Variants in CCDC144A observed in about 807,000 individuals in gnomAD.
CCDC144A encodes the protein coiled-coil domain-containing protein 144A.
A neutral mutation model predicts 143.8 loss-of-function variants in CCDC144A; 41 were observed. The observed-to-expected ratio is 0.29, with a 90% CI of 0.22 to 0.37. The LOEUF (loss-of-function observed/expected upper bound fraction) is 0.37. CCDC144A is among the 10% of genes least tolerant of loss of function. CCDC144A has a pLI of 1.00. For missense variants in CCDC144A, 637 were observed against 1,488.8 expected, an observed-to-expected ratio of 0.43 and a Z score of 9.41; for synonymous variants, 242 against 517.9, an observed-to-expected ratio of 0.47 and a Z score of 7.23.
chr17:16,676,524 A>AG, the CCDC144A span, among the ~76,000 whole-genome samples: 1 of 151,836 alleles, frequency 6.6e-6, no homozygotes, highest in Non-Finnish European at 1.5e-5. Flanking sequence ...AAAAAAAAAA[A>AG]AACACAAAAA....
At chr17:16,705,671 A>G (rs1912008685) in intron 3 of CCDC144A, 1 of 395,870 alleles carries the variant, frequency 2.5e-6, no homozygotes, top group South Asian at 2.3e-5. Context: ...AGGGACTAAC[A>G]TAGGATTATA....
the CCDC144A span, among the ~76,000 whole-genome samples, chr17:16,674,995 G>A: frequency 6.6e-5 from 10 of 150,698 alleles, no homozygotes; most frequent in East Asian, 1.4e-3. Flanking sequence ...TAGGCCGGGC[G>A]TGGTGGCTCA....
chr17:16,769,315 A>G (rs1915733429), intron 15 of CCDC144A, among the ~76,000 whole-genome samples: 1 of 152,254 alleles, frequency 6.6e-6, no homozygotes, highest in African/African-American at 2.4e-5. Flanking sequence ...GAGAGAGTCT[A>G]AGTCCTCATT....
intron 6 of CCDC144A, among the ~76,000 whole-genome samples, chr17:16,718,045 C>CT (rs1912874276): frequency 6.6e-6 from 1 of 151,882 alleles, no homozygotes. Context: ...CTTTATTTCT[C>CT]TGAGAAGGAA....
chr17:16,711,145 AAAAAAAAAAAAAAC>A (rs1156717038), intron 5 of CCDC144A, among the ~76,000 whole-genome samples: 2 of 133,456 alleles, frequency 1.5e-5, no homozygotes, highest in African/African-American at 2.7e-5. Flanking sequence ...TGAAAAAAAA[AAAAAAAAAAAAAAC>A]AAAAGTTAGT....
intron 6 of CCDC144A, among the ~76,000 whole-genome samples, chr17:16,715,062 C>T (rs1224012579): frequency 6.6e-6 from 1 of 151,890 alleles, no homozygotes; most frequent in Non-Finnish European, 1.5e-5. Flanking sequence ...TCCTAGAATT[C>T]CCACTATCCC....
chr17:16,711,477 G>A (rs1182313535), intron 5 of CCDC144A, among the ~76,000 whole-genome samples: 1 of 151,946 alleles, frequency 6.6e-6, no homozygotes, highest in Non-Finnish European at 1.5e-5. Flanking sequence ...TTACAAAAAT[G>A]TTGATGATAA....
intron 7 of CCDC144A, 56 bp from the exon 8 acceptor site, chr17:16,720,461 A>C (rs1913027422): frequency 1.9e-6 from 3 of 1,571,898 alleles, no homozygotes; most frequent in Non-Finnish European, 2.6e-6. Flanking sequence ...CTGTACCTTT[A>C]GTATATGCTA....
chr17:16,712,792 C>G (rs1471389383), intron 6 of CCDC144A, among the ~76,000 whole-genome samples: 2 of 151,992 alleles, frequency 1.3e-5, no homozygotes, highest in African/African-American at 4.8e-5. Flanking sequence ...GTTGTTAGAC[C>G]AGGAGTGTAC....
chr17:16,701,187 T>G (rs1394880656), intron 2 of CCDC144A, among the ~76,000 whole-genome samples: 1 of 151,678 alleles, frequency 6.6e-6, no homozygotes, highest in African/African-American at 2.4e-5. Context: ...TTAAAATTAA[T>G]AATATTATTT....
rs547557678 is a variant in CCDC144A at position 16,709,125 on chromosome 17, G to A, written c.1068G>A (p.Val356=). 1.0e-4 allele frequency: 162 copies of A among 1,611,464 alleles called. No individual in the cohort carries two copies. Among genetic ancestry groups the A allele is most frequent in the Non-Finnish European group, 1.3e-4 (158 of 1,179,546 alleles). Residue 356 remains valine, a synonymous_variant, in exon 5 of 17, where the codon GTG becomes GTA. Transcript: ENST00000399273. ...ATGCATCTGAAATATCTGTCTCAGTGGTATTCGAGACATTTCCTGAACAAA... is the reference window on the plus strand; with the variant it reads ...ATGCATCTGAAATATCTGTCTCAGTAGTATTCGAGACATTTCCTGAACAAA... ...EEDASEISVS[V]VFETFPEQKE...
the CCDC144A span, among the ~76,000 whole-genome samples, chr17:16,670,762 G>C: frequency 6.6e-6 from 1 of 151,884 alleles, no homozygotes; most frequent in Non-Finnish European, 1.5e-5. Context: ...GCCTACCTTG[G>C]CCTCCAAAAG....
chr17:16,757,304 G>A (rs1915137452), intron 12 of CCDC144A, among the ~76,000 whole-genome samples: 1 of 152,260 alleles, frequency 6.6e-6, no homozygotes, highest in Admixed American at 6.5e-5. Flanking sequence ...ACATTTAGGT[G>A]GGTACCTAAG....
chr17:16,720,743 T>C lies in CCDC144A; in HGVS notation c.1891+85T>C, dbSNP rs561533887. On this transcript the variant is annotated intron_variant, in intron 8 of 16. Transcript: ENST00000399273. ...ATTGCTGAGAACTGACGTGTGATAG[T>C]GAAGCTCATCTCAGAAATACGCTCA... 7.0e-4 allele frequency: 1,107 copies of C among 1,575,748 alleles called. 4 individuals carry two copies. In the African/African-American group the frequency reaches 0.013, roughly 19 times the overall value.
intron 15 of CCDC144A, among the ~76,000 whole-genome samples, chr17:16,769,870 C>G (rs1915756801): frequency 1.3e-5 from 2 of 152,000 alleles, no homozygotes; most frequent in South Asian, 4.2e-4. Flanking sequence ...CTCTGTCTCC[C>G]AGGCTGGAGA....
At position 16,690,361 on chromosome 17, in the gene CCDC144A, C is replaced by G. The variant is rs201938569; in HGVS notation, c.-40C>G. The G allele has an allele frequency of 1.5e-3, 2,177 of 1,446,466 alleles. 4 individuals are homozygous for G. The highest frequency in any genetic ancestry group is 1.8e-3 in the Non-Finnish European group (1,936 of 1,084,868). 89.6% of individuals were successfully genotyped at this position (1,446,466 alleles called of 1,614,324 possible). A position where few individuals can be genotyped will look rare whatever the true frequency, so the allele number is the denominator to read the frequency against. ...TCGCAGATTGGAAACCGCGGGCTAT[C>G]CTGCTGGGAGGTTGTGGCCGAGGCA... is the stretch of plus-strand genomic sequence containing the variant. On this transcript the variant is annotated 5_prime_UTR_variant, in exon 1 of 17. It adds an upstream start codon to the 5' untranslated region. Coordinates refer to ENST00000399273, the MANE Select transcript of CCDC144A (RefSeq NM_001382000.1).
intron 16 of CCDC144A, among the ~76,000 whole-genome samples, chr17:16,773,204 T>G (rs1388099321): frequency 6.6e-5 from 10 of 151,976 alleles, no homozygotes; most frequent in Non-Finnish European, 1.5e-4. Context: ...GTCCCAGCAC[T>G]TTGGGAGCCT....
chr17:16,688,482 C>CTTT (rs1567579106), upstream of CCDC144A, among the ~76,000 whole-genome samples: 2 of 108,590 alleles, frequency 1.8e-5, no homozygotes, highest in Admixed American at 1.1e-4. Flanking sequence ...TTTTCTTTTT[C>CTTT]TGTTTTTTTT....
At chr17:16,769,801 A>C (rs1323034511) in intron 15 of CCDC144A, among the ~76,000 whole-genome samples, 3 of 143,230 alleles carry the variant, frequency 2.1e-5, no homozygotes, top group Non-Finnish European at 3.1e-5. Context: ...GCATCATGAC[A>C]GTTTATAGAT....
Sources: allele counts gnomAD v4.1 joint callset (sites outside exome capture counted in the v4.1 genomes callset), GRCh38; gene constraint gnomAD v4.1.1; transcripts MANE v1.5; gene names NCBI Gene and HGNC (gene_info 2026-07-23, HGNC 2026-07-21).